ANK1: variants seen among roughly 807,000 people sequenced by gnomAD.
ANK1 encodes ankyrin 1.
A neutral mutation model predicts 210.4 loss-of-function variants in ANK1; 51 were observed. The ratio of observed to expected loss-of-function variants is 0.24; its 90% confidence interval spans 0.19 to 0.31. ANK1 has a LOEUF of 0.31. Among genes scored for constraint, ANK1 ranks in the 10% least tolerant of loss-of-function variants. The pLI is 1.00. For missense variants in ANK1, 2,051 were observed against 2,504.4 expected (o/e 0.82, Z 3.86); for synonymous variants, 967 against 1,025.9 (o/e 0.94, Z 1.10).
At chr8:41,667,550 C>T (rs889040490) in intron 39 of ANK1, among the ~76,000 whole-genome samples, 3 of 151,676 alleles carry the variant, frequency 2.0e-5, no homozygotes, top group Admixed American at 6.6e-5. Flanking sequence ...AGATTGGCCA[C>T]GAGTAGATCA....
exon 1 of ANK1, chr8:41,896,361 C>T (rs916242019): frequency 6.3e-7 from 1 of 1,595,746 alleles, no homozygotes; most frequent in African/African-American, 1.4e-5. Context: ...CTACCTTCTT[C>T]TTTCGGTCAC....
intron 3 of ANK1, among the ~76,000 whole-genome samples, chr8:41,732,619 G>T (rs1400653223): frequency 6.6e-6 from 1 of 152,188 alleles, no homozygotes; most frequent in South Asian, 2.1e-4. Flanking sequence ...CGCCATGTTG[G>T]CTGGGCTGGT....
At chr8:41,669,723 C>T (rs373973153) in intron 38 of ANK1, among the ~76,000 whole-genome samples, 3 of 152,152 alleles carry the variant, frequency 2.0e-5, no homozygotes, top group Admixed American at 6.5e-5. Context: ...GCCCTGCACC[C>T]GCCCACCTCT....
chr8:41,760,723 A>G (rs1206236995), intron 1 of ANK1, among the ~76,000 whole-genome samples: 1 of 152,160 alleles, frequency 6.6e-6, no homozygotes, highest in African/African-American at 2.4e-5. Context: ...CCTTTTCATG[A>G]TGCTTAAAAG....
chr8:41,896,510 C>G, exon 1 of ANK1: 1 of 1,574,396 alleles, frequency 6.4e-7, no homozygotes, highest in South Asian at 1.2e-5. Flanking sequence ...GTCCCCGCCT[C>G]CTGGACCCCT....
In ANK1 at chr8:41,742,361, A is replaced by T. The variant is rs139625912; in HGVS notation, c.130-8292T>A. ...CTTGGTGTCTCTGCAAAACTGCAAG[A>T]ACATCTCAAAAGTGAATGCCTACAT... On this transcript the variant is annotated intron_variant, in intron 2 of 42. Coordinates refer to ENST00000289734, the MANE Select transcript of ANK1 (RefSeq NM_000037.4). Among the ~76,000 whole-genome samples, 63 of 152,348 alleles carry T rather than the reference A, an allele frequency of 4.1e-4. 1 individual carries two copies. Among genetic ancestry groups the T allele is most frequent in the Admixed American group, 2.0e-4 (3 of 15,298 alleles).
chr8:41,861,003 C>G (rs1813167888), intron 1 of ANK1, among the ~76,000 whole-genome samples: 1 of 152,206 alleles, frequency 6.6e-6, no homozygotes, highest in Non-Finnish European at 1.5e-5. Context: ...CCTAGAAAAA[C>G]TGGCCCAAGT....
chr8:41,792,611 C>T (rs963963573), intron 1 of ANK1, among the ~76,000 whole-genome samples: 4 of 152,180 alleles, frequency 2.6e-5, no homozygotes, highest in Non-Finnish European at 2.9e-5. Flanking sequence ...GCCCGCCTCC[C>T]GCCCGCTCAC....
intron 1 of ANK1, among the ~76,000 whole-genome samples, chr8:41,847,243 C>T (rs1042683060): frequency 6.1e-4 from 93 of 152,318 alleles, no homozygotes; most frequent in South Asian, 1.9e-3. Context: ...GCTTTCCAGG[C>T]GGCTGTTGTC....
intron 2 of ANK1, among the ~76,000 whole-genome samples, chr8:41,734,801 GC>G (rs1233190834): frequency 6.6e-6 from 1 of 152,110 alleles, no homozygotes; most frequent in Non-Finnish European, 1.5e-5. Flanking sequence ...TACTCAGGGG[GC>G]TGAGGTGGGA....
At chr8:41,749,544 G>A (rs1308967463) in intron 2 of ANK1, among the ~76,000 whole-genome samples, 7 of 67,928 alleles carry the variant, frequency 1.0e-4, no homozygotes, top group East Asian at 4.3e-4. Context: ...TGATCCACCC[G>A]CCTCGGCCTC....
At chr8:41,890,306 A>T (rs1286016552) in intron 1 of ANK1, among the ~76,000 whole-genome samples, 1 of 152,260 alleles carries the variant, frequency 6.6e-6, no homozygotes, top group Non-Finnish European at 1.5e-5. Flanking sequence ...GAACCTGGGC[A>T]GCCGACTCCA....
At chr8:41,849,928 C>T (rs1443929965) in intron 1 of ANK1, among the ~76,000 whole-genome samples, 1 of 152,246 alleles carries the variant, frequency 6.6e-6, no homozygotes, top group East Asian at 1.9e-4. Context: ...TACAAGCAGA[C>T]AGTATCACCA....
chr8:41,804,616 G>A (rs1320201839), intron 1 of ANK1, among the ~76,000 whole-genome samples: 1 of 152,144 alleles, frequency 6.6e-6, no homozygotes, highest in African/African-American at 2.4e-5. Flanking sequence ...CTTTTTCAAT[G>A]AGAGGGTAAC....
chr8:41,739,353 C>T (rs528989281), intron 2 of ANK1, among the ~76,000 whole-genome samples: 2 of 151,870 alleles, frequency 1.3e-5, no homozygotes, highest in South Asian at 4.2e-4. Flanking sequence ...TGAAAATTTC[C>T]ATCTACTCAT....
intron 16 of ANK1, among the ~76,000 whole-genome samples, chr8:41,710,950 TG>T (rs1041928304): frequency 6.6e-6 from 1 of 152,258 alleles, no homozygotes; most frequent in Non-Finnish European, 1.5e-5. Context: ...TGAATTAAAT[TG>T]AAAAATCATT....
Position 41,723,099 on chromosome 8 carries a change from G to A in ANK1, c.909+26C>T, listed in dbSNP as rs766696460. On this transcript the variant is annotated intron_variant, in intron 9 of 42. Transcript: ENST00000289734. ...GGACCTGGAGCCCTGTCTAGAAAAT[G>A]CGCCTGACAGGAAGGAAGTACACAC... is the stretch of plus-strand genomic sequence containing the variant. 2.5e-6 allele frequency: 4 copies of A among 1,608,636 alleles called. No individual in the cohort carries two copies. The Middle Eastern group carries it at 6.6e-4, about 266-fold the overall frequency.
intron 6 of ANK1, 52 bp downstream of exon 6, chr8:41,725,709 T>A: frequency 6.3e-7 from 1 of 1,577,822 alleles, no homozygotes; most frequent in Non-Finnish European, 8.6e-7. Flanking sequence ...CGGTGCCCCC[T>A]GAGCCCACGG....
chr8:41,668,484 G>C lies in ANK1; in HGVS notation c.5177C>G (p.Thr1726Arg), dbSNP rs200662932. Residue 1726 changes from threonine (T) to arginine (R), a missense_variant, in exon 39 of 43, where the codon ACG (threonine) becomes AGG (arginine). Transcript: ENST00000289734. ...TCCCTGGAATGAGTGTGGACCTTGC[G>C]TGACCTCCTCTTGCCAGGAACCTTG... ...AAQGSWQEEV[T>R]QGPHSFQGTS... 2 of 1,614,162 alleles carry C rather than the reference G, an allele frequency of 1.2e-6. No individual in the cohort carries two copies. The highest frequency in any genetic ancestry group is 1.7e-6 in the Non-Finnish European group (2 of 1,180,032).
Sources: gnomAD v4.1 joint callset for allele counts (sites outside exome capture counted in the v4.1 genomes callset) on GRCh38, gnomAD v4.1.1 for gene constraint, MANE v1.5 for transcripts, NCBI Gene and HGNC (gene_info 2026-07-23, HGNC 2026-07-21) for gene names.